Variants in GALNT14 observed in about 807,000 individuals in gnomAD.
GALNT14 encodes the protein polypeptide N-acetylgalactosaminyltransferase 14.
In GALNT14, 60 loss-of-function variants were observed where a neutral mutation model predicts 77.5. The ratio of observed to expected loss-of-function variants is 0.77; its 90% CI spans 0.63 to 0.96. The LOEUF (loss-of-function observed/expected upper bound fraction) is 0.96, where lower values mean the gene tolerates loss of function less well. Ranked by LOEUF, GALNT14 falls within the 40% of genes least tolerant of loss-of-function variation. The probability of loss-of-function intolerance (pLI) is 0.00; values close to 1 mark genes in which losing one functional copy is unlikely to be tolerated. For missense variants in GALNT14, 710 were observed against 731.0 expected (o/e 0.97, Z 0.33); for synonymous variants, 280 against 281.7 (o/e 0.99, Z 0.06).
intron 1 of GALNT14, among the ~76,000 whole-genome samples, chr2:31,065,711 G>A (rs184903705): frequency 1.3e-4 from 20 of 152,176 alleles, no homozygotes; most frequent in African/African-American, 4.8e-4. Context: ...ACTATGGAAG[G>A]CATCACATTC....
At chr2:31,056,219 T>A (rs1222374124) in intron 1 of GALNT14, among the ~76,000 whole-genome samples, 1 of 152,138 alleles carries the variant, frequency 6.6e-6, no homozygotes, top group Non-Finnish European at 1.5e-5. Flanking sequence ...AGTAGGCAGG[T>A]GATGATGAGT....
Position 31,135,518 on chromosome 2 carries a change from CA to C in GALNT14, c.129+2439del, listed in dbSNP as rs147156547. Reference sequence around the variant, plus strand: ...AAAACAGGAAGAAGAAAAATACTAACAAAAAAAAAAGAAGACACCTAATAGT... The same window carrying C: ...AAAACAGGAAGAAGAAAAATACTAACAAAAAAAAAGAAGACACCTAATAGT... On this transcript the variant is annotated intron_variant, in intron 1 of 14. Transcript: ENST00000349752. Among the ~76,000 whole-genome samples, 232 of 144,724 alleles carry C rather than the reference CA, an allele frequency of 1.6e-3. 7 individuals are homozygous for C. In the South Asian group the frequency reaches 0.042, roughly 26 times the overall value. 94.9% of individuals were successfully genotyped at this position (144,724 alleles called of 152,430 possible).
chr2:31,087,494 GGAGAGGAGAGGAGAA>G (rs1395020695), intron 1 of GALNT14, among the ~76,000 whole-genome samples: 2 of 151,852 alleles, frequency 1.3e-5, no homozygotes, highest in African/African-American at 2.4e-5. Flanking sequence ...GGAGAAGAGA[GGAGAGGAGAGGAGAA>G]GAGAGGAGAG....
At chr2:30,974,311 T>C (rs1311951393) in intron 2 of GALNT14, among the ~76,000 whole-genome samples, 2 of 152,266 alleles carry the variant, frequency 1.3e-5, no homozygotes, top group Non-Finnish European at 2.9e-5. Flanking sequence ...TTTTCTAGAT[T>C]ACTGCAGCAA....
At chr2:31,072,278 CACATACACACACACACACACACACAT>C (rs1465815742) in intron 1 of GALNT14, among the ~76,000 whole-genome samples, 16 of 67,180 alleles carry the variant, frequency 2.4e-4, no homozygotes, top group East Asian at 9.7e-4. Context: ...CACACACACA[CACATACACACACACACACACACACAT>C]ACACACACAC....
rs200973665 is a variant in GALNT14 at position 30,992,934 on chromosome 2, C to T, written c.203G>A (p.Arg68His). 117 of 1,614,152 alleles carry T rather than the reference C, an allele frequency of 7.2e-5. No individual in the cohort carries two copies. In the Admixed American group the frequency reaches 9.8e-4, roughly 14 times the overall value. The change falls in exon 2 of 15, where the codon CGC becomes CAC. Residue 68 changes from arginine (R) to histidine (H), a missense_variant. Coordinates refer to ENST00000349752, the MANE Select transcript of GALNT14 (RefSeq NM_024572.4). Reference sequence around the variant, plus strand: ...CAGCTTATAGGGGTCGTCACCAACGCGCCACTTTTTGGCATTCAGATACCG... The same window carrying T: ...CAGCTTATAGGGGTCGTCACCAACGTGCCACTTTTTGGCATTCAGATACCG... ...ERRYLNAKKW[R>H]VGDDPYKLYA... is the part of the protein sequence containing the mutation.
intron 1 of GALNT14, among the ~76,000 whole-genome samples, chr2:31,126,020 C>G (rs572074243): frequency 6.6e-6 from 1 of 152,272 alleles, no homozygotes; most frequent in South Asian, 2.1e-4. Context: ...AAGTTTAACC[C>G]TAGGACCAGA....
rs144286526 is a variant in GALNT14, at chr2:31,082,179, C to T, written c.129+55779G>A. 2.0e-3 allele frequency among the ~76,000 whole-genome samples: 298 copies of T among 152,330 alleles called. 2 individuals are homozygous for T. Among genetic ancestry groups the T allele is most frequent in the African/African-American group, 5.3e-3 (219 of 41,578 alleles). ...AAATCGGGCAGAGTCCTGGGACAGT[C>T]AGTGGACTGCAGACAGTCCTAGCAA... On this transcript the variant is annotated intron_variant, in intron 1 of 14. Transcript: ENST00000349752.
intron 1 of GALNT14, among the ~76,000 whole-genome samples, chr2:31,123,900 T>C (rs1678548517): frequency 6.6e-6 from 1 of 152,098 alleles, no homozygotes; most frequent in South Asian, 2.1e-4. Flanking sequence ...CTTCCACCAT[T>C]AAACAGCATC....
intron 3 of GALNT14, among the ~76,000 whole-genome samples, chr2:30,958,851 G>A (rs1251563276): frequency 6.6e-6 from 1 of 152,122 alleles, no homozygotes; most frequent in Non-Finnish European, 1.5e-5. Context: ...ACTTGCCCCA[G>A]CCTCTCCCAG....
At chr2:30,894,434 C>T in the GALNT14 span, among the ~76,000 whole-genome samples, 6 of 151,918 alleles carry the variant, frequency 3.9e-5, no homozygotes, top group Non-Finnish European at 5.9e-5. Flanking sequence ...TGTTCATGCT[C>T]AGTATTCTAG....
intron 2 of GALNT14, among the ~76,000 whole-genome samples, chr2:30,970,686 C>T (rs1384465923): frequency 6.6e-6 from 1 of 152,052 alleles, no homozygotes; most frequent in Non-Finnish European, 1.5e-5. Context: ...TCTCTGAGAC[C>T]CCCAGCCTCT....
intron 1 of GALNT14, among the ~76,000 whole-genome samples, chr2:31,029,968 G>A (rs990606661): frequency 3.9e-5 from 6 of 152,238 alleles, no homozygotes; most frequent in Non-Finnish European, 8.8e-5. Context: ...CCTTGGGAAC[G>A]AGTGAGTTCT....
At chr2:31,121,342 C>T (rs1678403120) in intron 1 of GALNT14, among the ~76,000 whole-genome samples, 1 of 152,160 alleles carries the variant, frequency 6.6e-6, no homozygotes, top group Non-Finnish European at 1.5e-5. Flanking sequence ...ACATACACAG[C>T]AACGCTCATT....
intron 1 of GALNT14, among the ~76,000 whole-genome samples, chr2:31,100,415 A>T (rs1677209696): frequency 1.3e-5 from 2 of 152,074 alleles, no homozygotes; most frequent in Admixed American, 1.3e-4. Flanking sequence ...TAATTATTGC[A>T]CATTGTTAGT....
chr2:31,016,958 T>C (rs1443909610), intron 1 of GALNT14, among the ~76,000 whole-genome samples: 3 of 152,204 alleles, frequency 2.0e-5, no homozygotes, highest in Non-Finnish European at 4.4e-5. Context: ...TACCACGCTC[T>C]GTGCTGGACG....
At chr2:31,007,313 C>T (rs1343611623) in intron 1 of GALNT14, among the ~76,000 whole-genome samples, 1 of 152,118 alleles carries the variant, frequency 6.6e-6, no homozygotes, top group East Asian at 1.9e-4. Context: ...GCAGCAGGAA[C>T]CTCGCCCAGG....
intron 6 of GALNT14, among the ~76,000 whole-genome samples, chr2:30,950,348 T>C (rs1053241501): frequency 2.0e-5 from 3 of 151,760 alleles, no homozygotes; most frequent in South Asian, 2.1e-4. Context: ...AGAAGGAAAA[T>C]TGGGGAGGTT....
At chr2:30,924,463 C>T (rs987089716) in intron 12 of GALNT14, among the ~76,000 whole-genome samples, 200 bp from the exon 13 acceptor site, 6 of 152,128 alleles carry the variant, frequency 3.9e-5, no homozygotes, top group Admixed American at 6.5e-5. Context: ...GAGATGAGTA[C>T]CTGCAGTGAA....
Sources: gnomAD v4.1 joint callset for allele counts (sites outside exome capture counted in the v4.1 genomes callset) on GRCh38, gnomAD v4.1.1 for gene constraint, MANE v1.5 for transcripts, NCBI Gene and HGNC (gene_info 2026-07-23, HGNC 2026-07-21) for gene names.